TRABD2B: variants seen among roughly 807,000 people sequenced by gnomAD.
TRABD2B encodes the protein metalloprotease TIKI2.
TRABD2B carries 14 observed loss-of-function variants against 40.1 expected under a neutral mutation model. That is an observed-to-expected ratio of 0.35 (90% CI 0.23 to 0.55). TRABD2B has a LOEUF of 0.55. Among genes scored for constraint, TRABD2B ranks in the 20% least tolerant of loss-of-function variants. TRABD2B has a pLI of 0.90. For synonymous variants in TRABD2B, 263 were observed against 277.0 expected (o/e 0.95, Z 0.50); for missense variants, 541 against 648.6 (o/e 0.83, Z 1.80).
chr1:47,984,640 C>T (rs1225055303), intron 2 of TRABD2B, among the ~76,000 whole-genome samples: 2 of 152,202 alleles, frequency 1.3e-5, no homozygotes, highest in Non-Finnish European at 2.9e-5. Flanking sequence ...AACTCGCGCC[C>T]CGTCCTCTAG....
At chr1:47,870,026 C>T (rs1269762623) in intron 2 of TRABD2B, among the ~76,000 whole-genome samples, 6 of 152,224 alleles carry the variant, frequency 3.9e-5, no homozygotes, top group African/African-American at 7.2e-5. Context: ...GTCCCAAGAG[C>T]TGGACTGAAG....
intron 6 of TRABD2B, among the ~76,000 whole-genome samples, chr1:47,768,312 A>AGT (rs888732066): frequency 4.2e-5 from 6 of 141,860 alleles, no homozygotes; most frequent in African/African-American, 8.0e-5. Flanking sequence ...TTCTGAGTAG[A>AGT]GTGTGTGTGT....
chr1:47,872,611 G>A (rs892785190), intron 2 of TRABD2B, among the ~76,000 whole-genome samples: 8 of 152,340 alleles, frequency 5.3e-5, no homozygotes, highest in African/African-American at 1.9e-4. Context: ...AGAGAATGAA[G>A]ATGGAGTGAG....
At position 47,990,769 on chromosome 1, in the gene TRABD2B, TTTTATATATATATATATATATATATA is replaced by T. The variant is rs1428396671; in HGVS notation, c.666+3239_666+3264del. ...CAAGTTGTTGGTTTTAAAACGTTGG[TTTTATATATATATATATATATATATA>T]TATATATATATATATATATATATAT... On this transcript the variant is annotated intron_variant, in intron 2 of 6. Coordinates refer to ENST00000606738, the MANE Select transcript of TRABD2B (RefSeq NM_001194986.2). Among the ~76,000 whole-genome samples, 161 of 64,286 alleles carry T rather than the reference TTTTATATATATATATATATATATATA, an allele frequency of 2.5e-3. 10 individuals are homozygous for T. Among genetic ancestry groups the T allele is most frequent in the Middle Eastern group, 8.6e-3 (1 of 116 alleles). The allele number at this position is 64,286 out of a possible 152,430, so 42.2% of individuals were successfully genotyped here.
chr1:47,809,630 T>C (rs541194900), intron 2 of TRABD2B, among the ~76,000 whole-genome samples: 5 of 152,214 alleles, frequency 3.3e-5, no homozygotes, highest in African/African-American at 1.2e-4. Context: ...TATTTATTTA[T>C]TCTCCTTGCC....
intron 2 of TRABD2B, among the ~76,000 whole-genome samples, chr1:47,933,581 T>C (rs1645069100): frequency 6.6e-6 from 1 of 152,222 alleles, no homozygotes; most frequent in Non-Finnish European, 1.5e-5. Flanking sequence ...CTTTGATGTA[T>C]ATAAATAGCA....
At chr1:47,828,589 G>T (rs1645208442) in intron 2 of TRABD2B, among the ~76,000 whole-genome samples, 1 of 152,208 alleles carries the variant, frequency 6.6e-6, no homozygotes, top group African/African-American at 2.4e-5. Flanking sequence ...GCCAGAGCAT[G>T]CCGAGGCCAG....
intron 2 of TRABD2B, among the ~76,000 whole-genome samples, chr1:47,916,173 G>A (rs1435010263): frequency 6.6e-6 from 1 of 151,776 alleles, no homozygotes; most frequent in Non-Finnish European, 1.5e-5. Flanking sequence ...GTTTGAGGGG[G>A]AAATGCAGTC....
At chr1:47,835,213 T>G (rs944568207) in intron 2 of TRABD2B, among the ~76,000 whole-genome samples, 1 of 152,128 alleles carries the variant, frequency 6.6e-6, no homozygotes, top group African/African-American at 2.4e-5. Flanking sequence ...ATCAACAAAT[T>G]TGAAGATAGG....
At chr1:47,910,147 A>G (rs1188227078) in intron 2 of TRABD2B, among the ~76,000 whole-genome samples, 1 of 152,016 alleles carries the variant, frequency 6.6e-6, no homozygotes, top group Non-Finnish European at 1.5e-5. Flanking sequence ...CGTGTGAGCT[A>G]CTGTGCCTGG....
In TRABD2B at chr1:47,789,661, T is replaced by C. The variant is rs146037389; in HGVS notation, c.988+4925A>G. The stretch of plus-strand genomic sequence containing the variant: ...CCTTCTACTTCAGACAGTGGTGCTC[T>C]GATTAGAAGCCATCAGCTGAGAATT... On this transcript the variant is annotated intron_variant, in intron 4 of 6. Transcript: ENST00000606738. Among the ~76,000 whole-genome samples, 258 of 152,334 alleles carry C rather than the reference T, an allele frequency of 1.7e-3. 3 individuals are homozygous for C. The highest frequency in any genetic ancestry group is 5.1e-3 in the African/African-American group (212 of 41,562).
intron 2 of TRABD2B, among the ~76,000 whole-genome samples, chr1:47,953,455 T>C (rs10890515): frequency 0.47 from 71,524 of 151,932 alleles, 18,373 homozygotes; most frequent in Middle Eastern, 0.62. Context: ...TTTAAAATCA[T>C]AGGGCTGGAC....
chr1:47,854,055 A>G (rs1255938406), intron 2 of TRABD2B, among the ~76,000 whole-genome samples: 1 of 152,186 alleles, frequency 6.6e-6, no homozygotes, highest in Non-Finnish European at 1.5e-5. Context: ...TTCATATGAC[A>G]TAATAGTTAC....
intron 4 of TRABD2B, among the ~76,000 whole-genome samples, chr1:47,786,196 C>T (rs543438391): frequency 2.0e-5 from 3 of 152,218 alleles, no homozygotes; most frequent in Non-Finnish European, 4.4e-5. Context: ...CTGCCCAAGG[C>T]GACTTCTGAT....
rs1259778427 is a variant in TRABD2B at position 47,996,528 on chromosome 1, G to C, written c.102+160C>G. Among the ~76,000 whole-genome samples, 2 of 152,168 alleles carry C rather than the reference G, an allele frequency of 1.3e-5. No individual in the cohort carries two copies. Among genetic ancestry groups the C allele is most frequent in the African/African-American group, 2.4e-5 (1 of 41,446 alleles). ...CGCTCCTGGCTGGGAGCTGGAGCCG[G>C]GACAGGCAGGAGCGAAGGAAGGGCG... On this transcript the variant is annotated intron_variant, in intron 1 of 6. Coordinates refer to ENST00000606738, the MANE Select transcript of TRABD2B (RefSeq NM_001194986.2). This position sits in a 1 kb window ranked among gnomAD's most constrained non-coding sequence, Gnocchi z 4.6.
At chr1:47,964,538 G>A (rs1645570213) in intron 2 of TRABD2B, among the ~76,000 whole-genome samples, 1 of 150,054 alleles carries the variant, frequency 6.7e-6, no homozygotes, top group Non-Finnish European at 1.5e-5. Context: ...CCAAATGATT[G>A]TGTCAAATTG....
Position 47,994,348 on chromosome 1 carries a change from A to G in TRABD2B, c.352T>C (p.Tyr118His). 1 of 1,536,232 alleles carries G rather than the reference A, an allele frequency of 6.5e-7. No homozygotes were observed. Among genetic ancestry groups the G allele is most frequent in the Non-Finnish European group, 8.7e-7 (1 of 1,146,932 alleles). ...NLQDVLPHEL[Y>H]WRLKRHLDYV... is the part of the protein sequence containing the mutation. ...TCCAGGTGGCGCTTCAAGCGCCAGT[A>G]AAGCTCGTGGGGCAGCACGTCCTGC... Residue 118 changes from tyrosine to histidine, a missense_variant, in exon 2 of 7, where the codon TAC (tyrosine) becomes CAC (histidine). Around this residue, in one of 2 missense-constraint regions of TRABD2B, gnomAD observed 369 missense variants for 492.8 expected, o/e 0.75. Coordinates refer to ENST00000606738, the MANE Select transcript of TRABD2B (RefSeq NM_001194986.2). This position sits in a 1 kb window ranked among gnomAD's most constrained non-coding sequence, Gnocchi z 6.7.
At chr1:47,934,587 T>C (rs961884797) in intron 2 of TRABD2B, among the ~76,000 whole-genome samples, 3 of 152,176 alleles carry the variant, frequency 2.0e-5, no homozygotes, top group Non-Finnish European at 4.4e-5. Flanking sequence ...CTGTTGTAAT[T>C]TATTGTTTCT....
At chr1:47,986,127 G>A (rs1193305053) in intron 2 of TRABD2B, among the ~76,000 whole-genome samples, 4 of 152,130 alleles carry the variant, frequency 2.6e-5, no homozygotes, top group Non-Finnish European at 5.9e-5. Context: ...TCTGGATAGT[G>A]AAGAGGAGAA....
Sources: allele counts gnomAD v4.1 joint callset (sites outside exome capture counted in the v4.1 genomes callset), GRCh38; gene constraint gnomAD v4.1.1; regional missense constraint gnomAD v4.1.1; non-coding constraint Gnocchi (gnomAD v3.1); transcripts MANE v1.5; gene names NCBI Gene and HGNC (gene_info 2026-07-23, HGNC 2026-07-21).